The following KPNA4 variants were observed in gnomAD, a reference collection of about 807,000 sequenced individuals.
The protein encoded by KPNA4 is karyopherin subunit alpha 4.
In KPNA4, 13 loss-of-function variants were observed where a neutral mutation model predicts 71.3. That is an observed-to-expected ratio of 0.18 (90% confidence interval 0.12 to 0.29). KPNA4 has a LOEUF of 0.29. Ranked by LOEUF, KPNA4 falls within the 10% of genes least tolerant of loss-of-function variation. The pLI is 1.00. For synonymous variants in KPNA4, 189 were observed against 195.2 expected, an observed-to-expected ratio of 0.97 and a Z score of 0.26; for missense variants, 334 against 603.2, an observed-to-expected ratio of 0.55 and a Z score of 4.67.
chr3:160,565,087 C>G (rs1436416114), intron 1 of KPNA4, 127 bp downstream of exon 1: 1 of 742,338 alleles, frequency 1.3e-6, no homozygotes, highest in Non-Finnish European at 2.3e-6. Flanking sequence ...ACAGACGGGC[C>G]GGCCCCTAGC....
rs908699901 is a variant in KPNA4, at chr3:160,501,202, C to T, written c.*902G>A. 2.0e-5 allele frequency: 3 copies of T among 150,026 alleles called. No homozygotes were observed. The highest frequency in any genetic ancestry group is 3.0e-5 in the Non-Finnish European group (2 of 67,642). The allele number at this position is 150,026 out of a possible 1,614,324, so 9.3% of individuals were successfully genotyped here. ...CAAACATTCATCTGGTGCAAATGCACAGGGAAACCTTCCTGAAAAGTTTTC... is the reference window on the plus strand; with the variant it reads ...CAAACATTCATCTGGTGCAAATGCATAGGGAAACCTTCCTGAAAAGTTTTC... On this transcript the variant is annotated 3_prime_UTR_variant, in exon 17 of 17. Coordinates refer to ENST00000334256, the MANE Select transcript of KPNA4 (RefSeq NM_002268.5).
intron 5 of KPNA4, 47 bp downstream of exon 5, chr3:160,535,466 C>T (rs776798777): frequency 2.8e-6 from 4 of 1,423,560 alleles, no homozygotes; most frequent in Non-Finnish European, 3.9e-6. Flanking sequence ...AAATAGAACC[C>T]CTGTGTAAGT....
chr3:160,513,433 A>T (rs940831904), intron 13 of KPNA4, among the ~76,000 whole-genome samples: 13 of 151,610 alleles, frequency 8.6e-5, no homozygotes, highest in African/African-American at 2.9e-4. Flanking sequence ...TTTCTTTTTT[A>T]AAAAAAGTTT....
In KPNA4 at chr3:160,565,517, G is replaced by GGC; in HGVS notation, c.-237_-236dup. ...GGCAAAGACAACTGTGGGGCCGGGC[G>GGC]GCGGCAAGGCGACGGAATGTGCTGC... is the stretch of plus-strand genomic sequence containing the variant. On this transcript the variant is annotated 5_prime_UTR_variant, in exon 1 of 17. Coordinates refer to ENST00000334256, the MANE Select transcript of KPNA4 (RefSeq NM_002268.5). 1.8e-6 allele frequency: 1 copy of GGC among 542,028 alleles called. No homozygotes were observed. The highest frequency in any genetic ancestry group is 3.2e-6 in the Non-Finnish European group (1 of 308,900). 33.6% of individuals were successfully genotyped at this position (542,028 alleles called of 1,614,324 possible). A position where few individuals can be genotyped will look rare whatever the true frequency, so the allele number is the denominator to read the frequency against.
At chr3:160,555,719 T>C (rs1722123047) in intron 1 of KPNA4, among the ~76,000 whole-genome samples, 1 of 152,164 alleles carries the variant, frequency 6.6e-6, no homozygotes, top group Non-Finnish European at 1.5e-5. Context: ...TTATACTTCA[T>C]TTTATAGCGG....
rs531805868 is a variant in KPNA4, at chr3:160,521,261, T to C, written c.903+518A>G. ...AGTGTCTGTCAATACTTGTTTCAGA[T>C]GCCATGCATGTTGCTATAATGAACT... On this transcript the variant is annotated intron_variant, in intron 11 of 16. Coordinates refer to ENST00000334256, the MANE Select transcript of KPNA4 (RefSeq NM_002268.5). Among the ~76,000 whole-genome samples, 199 of 152,312 alleles carry C rather than the reference T, an allele frequency of 1.3e-3. 1 individual carries two copies. Among genetic ancestry groups the C allele is most frequent in the African/African-American group, 4.6e-3 (191 of 41,568 alleles).
intron 1 of KPNA4, among the ~76,000 whole-genome samples, chr3:160,546,651 A>T (rs1316781344): frequency 6.6e-6 from 1 of 152,204 alleles, no homozygotes; most frequent in Non-Finnish European, 1.5e-5. Context: ...TTTACTTTAT[A>T]AACTAATATG....
At chr3:160,515,387 T>A in intron 12 of KPNA4, 65 bp downstream of exon 12, 1 of 1,380,894 alleles carries the variant, frequency 7.2e-7, no homozygotes, top group Non-Finnish European at 9.9e-7. Context: ...AAGACTCTAA[T>A]TTTACAAATA....
At chr3:160,518,566 GA>G (rs1486186203) in intron 11 of KPNA4, among the ~76,000 whole-genome samples, 1 of 149,466 alleles carries the variant, frequency 6.7e-6, no homozygotes, top group Non-Finnish European at 1.5e-5. Flanking sequence ...CTTCCTTATT[GA>G]AAATCAACTT....
intron 1 of KPNA4, among the ~76,000 whole-genome samples, chr3:160,562,444 T>C (rs999032940): frequency 1.1e-4 from 17 of 152,330 alleles, no homozygotes; most frequent in Non-Finnish European, 2.4e-4. Flanking sequence ...CTACAGACAT[T>C]ATGTAACACA....
chr3:160,549,602 G>A lies in KPNA4; in HGVS notation c.70-12762C>T, dbSNP rs191343787. ...CCCGAATATGCAGGGGTTCATTTCTGGGCTCTCTATTCTGTTCCACTGTTT... is the reference window on the plus strand; with the variant it reads ...CCCGAATATGCAGGGGTTCATTTCTAGGCTCTCTATTCTGTTCCACTGTTT... On this transcript the variant is annotated intron_variant, in intron 1 of 16. Coordinates refer to ENST00000334256, the MANE Select transcript of KPNA4 (RefSeq NM_002268.5). Among the ~76,000 whole-genome samples, 9 of 152,194 alleles carry A rather than the reference G, an allele frequency of 5.9e-5. No individual in the cohort carries two copies. In the East Asian group the frequency reaches 1.7e-3, roughly 29 times the overall value.
intron 15 of KPNA4, among the ~76,000 whole-genome samples, chr3:160,507,616 T>C (rs1721013604): frequency 6.6e-6 from 1 of 152,160 alleles, no homozygotes; most frequent in African/African-American, 2.4e-5. Context: ...TACTTATAAT[T>C]TGCTGAATGC....
chr3:160,563,857 A>G (rs1181108338), intron 1 of KPNA4, among the ~76,000 whole-genome samples: 2 of 152,218 alleles, frequency 1.3e-5, no homozygotes, highest in East Asian at 3.8e-4. Context: ...GTTAACCTTA[A>G]AAGAACCACA....
At chr3:160,528,338 G>GAA (rs929254280) in intron 7 of KPNA4, among the ~76,000 whole-genome samples, 2 of 147,684 alleles carry the variant, frequency 1.4e-5, no homozygotes, top group East Asian at 2.0e-4. Context: ...TCTGTAGTTT[G>GAA]AAAAAAAAAA....
intron 15 of KPNA4, among the ~76,000 whole-genome samples, chr3:160,506,304 G>C (rs1244758237): frequency 6.6e-6 from 1 of 152,048 alleles, no homozygotes; most frequent in Non-Finnish European, 1.5e-5. Context: ...AAGCAGCTAG[G>C]ATTACAGGTG....
chr3:160,549,320 G>A (rs1041378446), intron 1 of KPNA4, among the ~76,000 whole-genome samples: 3 of 152,044 alleles, frequency 2.0e-5, no homozygotes, highest in African/African-American at 4.8e-5. Context: ...TGCTTTTATA[G>A]CTTTGCTTTT....
In KPNA4 at chr3:160,502,116, C is replaced by A; in HGVS notation, c.1554G>T (p.Gly518=). Residue 518 remains glycine, a synonymous_variant, in exon 17 of 17, where the codon GGG becomes GGT. Transcript: ENST00000334256. ...CCACAACATCTTTCTAAAACTGGAA[C>A]CCTTCTGTTGGTACATTGGCAGATG... The part of the protein sequence containing the change: ...FNSSANVPTE[G]FQF 2.5e-6 allele frequency: 4 copies of A among 1,581,192 alleles called. No homozygotes were observed. Among genetic ancestry groups the A allele is most frequent in the Non-Finnish European group, 3.5e-6 (4 of 1,158,790 alleles).
chr3:160,538,918 T>G (rs187347901), intron 1 of KPNA4, among the ~76,000 whole-genome samples: 1 of 152,336 alleles, frequency 6.6e-6, no homozygotes, highest in African/African-American at 2.4e-5. Context: ...TTCAGTTTCC[T>G]TATCTATAAA....
At chr3:160,513,249 G>GTTTTTTT (rs946090860) in intron 13 of KPNA4, among the ~76,000 whole-genome samples, 12 of 80,642 alleles carry the variant, frequency 1.5e-4, no homozygotes, top group Non-Finnish European at 1.9e-4. Context: ...CTACTTTGTG[G>GTTTTTTT]TTTTTTTTTT....
Sources: allele counts gnomAD v4.1 joint callset (sites outside exome capture counted in the v4.1 genomes callset), GRCh38; gene constraint gnomAD v4.1.1; transcripts MANE v1.5; gene names NCBI Gene and HGNC (gene_info 2026-07-23, HGNC 2026-07-21).